The following SPEF2 variants were observed in gnomAD, a reference collection of about 807,000 sequenced individuals.
SPEF2 encodes the protein sperm flagellar and cilia associated 2.
In SPEF2, 187 loss-of-function variants were observed where a neutral mutation model predicts 224.6. That is an observed-to-expected ratio of 0.83 (90% CI 0.74 to 0.94). SPEF2 has a LOEUF of 0.94. Among genes scored for constraint, SPEF2 ranks in the 40% least tolerant of loss-of-function variants. The probability of loss-of-function intolerance (pLI) is 0.00; values close to 1 mark genes in which losing one functional copy is unlikely to be tolerated. For synonymous variants in SPEF2, 715 were observed against 707.3 expected (o/e 1.01, Z -0.17); for missense variants, 2,170 against 2,135.6 (o/e 1.02, Z -0.32).
chr5:35,619,450 A>C (rs1743169837), intron 1 of SPEF2, among the ~76,000 whole-genome samples: 1 of 152,128 alleles, frequency 6.6e-6, no homozygotes, highest in Admixed American at 6.6e-5. Flanking sequence ...TGGGAGGCCG[A>C]GGTGGGCAGA....
In SPEF2 at chr5:35,779,188, T is replaced by C. The variant is rs1262504109; in HGVS notation, c.4289T>C (p.Leu1430Ser). Residue 1430 changes from leucine (L) to serine (S), a missense_variant, in exon 30 of 37, where the codon TTA becomes TCA. By Grantham distance (145) the Leu-to-Ser change is moderately radical. Transcript: ENST00000356031. Reference sequence around the variant, plus strand: ...ACAAAAATTCAGAATGAACTTTATTTAAGCCAAGAAGACTTCTTCATTAAT... The same window carrying C: ...ACAAAAATTCAGAATGAACTTTATTCAAGCCAAGAAGACTTCTTCATTAAT... ...TSTKIQNELY[L>S]SQEDFFINGN... 5 of 1,613,822 alleles carry C rather than the reference T, an allele frequency of 3.1e-6. No individual in the cohort carries two copies. Among genetic ancestry groups the C allele is most frequent in the Admixed American group, 3.3e-5 (2 of 59,984 alleles).
intron 15 of SPEF2, chr5:35,699,624 C>G (rs1453492430): frequency 6.6e-6 from 1 of 152,172 alleles, no homozygotes; most frequent in Non-Finnish European, 1.5e-5. Flanking sequence ...GTTGGCAGTA[C>G]AAGTATCCAG....
At chr5:35,800,790 C>A (rs540447490) in intron 34 of SPEF2, among the ~76,000 whole-genome samples, 1 of 152,250 alleles carries the variant, frequency 6.6e-6, no homozygotes, top group African/African-American at 2.4e-5. Context: ...GGGGCTGGAG[C>A]AGTGGATCCA....
intron 2 of SPEF2, among the ~76,000 whole-genome samples, chr5:35,630,366 T>A (rs1744910939): frequency 1.3e-5 from 2 of 152,204 alleles, no homozygotes; most frequent in African/African-American, 2.4e-5. Context: ...GCAGAGGTTC[T>A]CCATGAGGGC....
At chr5:35,640,568 G>A (rs1208203881) in intron 2 of SPEF2, among the ~76,000 whole-genome samples, 1 of 152,192 alleles carries the variant, frequency 6.6e-6, no homozygotes, top group Non-Finnish European at 1.5e-5. Context: ...AACTGGACCT[G>A]AGAAGACCTT....
At position 35,793,161 on chromosome 5, in the gene SPEF2, A is replaced by G. The variant is rs776934774; in HGVS notation, c.4557A>G (p.Leu1519=). ...AGATATTTCCTGTTTTCTTCTAGTT[A>G]CAGGAATTAACATCTTTATTAACAG... ...SNWMHLTQPE[L]QELTSLLTVN... Residue 1519 remains leucine, a splice_region_variant and synonymous_variant, in exon 32 of 37, where the codon TTA becomes TTG. Coordinates refer to ENST00000356031, the MANE Select transcript of SPEF2 (RefSeq NM_024867.4). The G allele has an allele frequency of 6.2e-7, 1 of 1,613,458 alleles. No homozygotes were observed. The highest frequency in any genetic ancestry group is 8.5e-7 in the Non-Finnish European group (1 of 1,179,714).
chr5:35,710,022 C>T, intron 19 of SPEF2: 1 of 976,642 alleles, frequency 1.0e-6, no homozygotes, highest in Non-Finnish European at 1.2e-6. Context: ...TCATATTAAA[C>T]AAAGACATAT....
intron 15 of SPEF2, chr5:35,699,047 A>G (rs779593313): frequency 6.6e-6 from 1 of 152,212 alleles, no homozygotes; most frequent in Non-Finnish European, 1.5e-5. Context: ...TGAGAGAAAT[A>G]TAGACAGTGA....
chr5:35,773,977 G>C lies in SPEF2; in HGVS notation c.4034G>C (p.Arg1345Thr). ...IAEIKRKNEL[R>T]VKIKEEHLAA... is the part of the protein sequence containing the mutation. ...GAAATCAAAAGGAAAAATGAACTGA[G>C]GGTCAAAATAAAAGAAGAACACCTT... The change falls in exon 28 of 37, where the codon AGG becomes ACG. Residue 1345 changes from arginine (R) to threonine (T), a missense_variant. Physicochemically the swap from Arg to Thr is moderately conservative, Grantham distance 71. Coordinates refer to ENST00000356031, the MANE Select transcript of SPEF2 (RefSeq NM_024867.4). 1 of 1,613,150 alleles carries C rather than the reference G, an allele frequency of 6.2e-7. No individual in the cohort carries two copies. The highest frequency in any genetic ancestry group is 8.5e-7 in the Non-Finnish European group (1 of 1,179,530).
intron 30 of SPEF2, 67 bp from the exon 31 acceptor site, chr5:35,792,273 T>C (rs1756075430): frequency 1.6e-6 from 2 of 1,278,478 alleles, no homozygotes; most frequent in Non-Finnish European, 2.2e-6. Context: ...ATTGCTTCTA[T>C]TTTAGCAAAA....
At chr5:35,693,865 T>C (rs1754889801) in intron 12 of SPEF2, among the ~76,000 whole-genome samples, 1 of 152,216 alleles carries the variant, frequency 6.6e-6, no homozygotes, top group Admixed American at 6.5e-5. Context: ...TGTTGTAATA[T>C]CTTTATATTT....
At chr5:35,688,890 T>C (rs1307632865) in intron 10 of SPEF2, among the ~76,000 whole-genome samples, 1 of 152,198 alleles carries the variant, frequency 6.6e-6, no homozygotes, top group Non-Finnish European at 1.5e-5. Flanking sequence ...GTTAATATTA[T>C]GTTGATTTTA....
chr5:35,703,504 A>C (rs923288496), intron 16 of SPEF2, among the ~76,000 whole-genome samples: 1 of 152,126 alleles, frequency 6.6e-6, no homozygotes, highest in Non-Finnish European at 1.5e-5. Context: ...TTAGGATTGC[A>C]AAGATGGAGC....
chr5:35,741,744 G>T (rs937397585), intron 23 of SPEF2, among the ~76,000 whole-genome samples: 2 of 152,060 alleles, frequency 1.3e-5, no homozygotes, highest in Non-Finnish European at 2.9e-5. Flanking sequence ...CAAATGTCCT[G>T]GTAAAATTGA....
At chr5:35,701,935 C>T (rs1453830316) in intron 16 of SPEF2, among the ~76,000 whole-genome samples, 1 of 152,098 alleles carries the variant, frequency 6.6e-6, no homozygotes, top group Non-Finnish European at 1.5e-5. Flanking sequence ...GTCATGATCA[C>T]ACCACAGCAC....
At chr5:35,764,457 T>C (rs765955470) in intron 26 of SPEF2, 134 of 408,604 alleles carry the variant, frequency 3.3e-4, no homozygotes, top group Non-Finnish European at 3.7e-4. Flanking sequence ...CACATAACTT[T>C]AATCCAAGCA....
At position 35,654,695 on chromosome 5, in the gene SPEF2, T is replaced by C; in HGVS notation, c.947T>C (p.Met316Thr). ...QREKRRRKLL[M>T]DQLIAHEAQE... ...GAGAAAAGACGGCGGAAATTGTTAA[T>C]GGACCAGTTAATAGCCCACGAAGCA... Residue 316 changes from methionine (M) to threonine (T), a missense_variant, in exon 7 of 37, where the codon ATG becomes ACG. Coordinates refer to ENST00000356031, the MANE Select transcript of SPEF2 (RefSeq NM_024867.4). 6.2e-7 allele frequency: 1 copy of C among 1,611,590 alleles called. No individual in the cohort carries two copies. Among genetic ancestry groups the C allele is most frequent in the East Asian group, 2.2e-5 (1 of 44,852 alleles).
At chr5:35,700,872 A>G in intron 16 of SPEF2, 120 bp downstream of exon 16, 1 of 1,146,744 alleles carries the variant, frequency 8.7e-7, no homozygotes, top group Non-Finnish European at 1.2e-6. Flanking sequence ...CAGCCTATCA[A>G]ATAATTATCT....
At position 35,641,612 on chromosome 5, in the gene SPEF2, G is replaced by A; in HGVS notation, c.343G>A (p.Val115Met). 2 of 1,613,698 alleles carry A rather than the reference G, an allele frequency of 1.2e-6. No homozygotes were observed. The highest frequency in any genetic ancestry group is 1.1e-5 in the South Asian group (1 of 91,066). The change falls in exon 3 of 37, where the codon GTG becomes ATG. Residue 115 changes from valine (V) to methionine (M), a missense_variant. Physicochemically the swap from Val to Met is conservative, Grantham distance 21 (BLOSUM62 1). Coordinates refer to ENST00000356031, the MANE Select transcript of SPEF2 (RefSeq NM_024867.4). ...AAAGAAGAAAAGTGGACTGACTGGA[G>A]TGGAGATGCAAACCATGCAACGTCT... ...QKKKKSGLTGVEMQTMQRLTN... is the reference protein window; with the variant it reads ...QKKKKSGLTGMEMQTMQRLTN...
Sources: allele counts gnomAD v4.1 joint callset (sites outside exome capture counted in the v4.1 genomes callset), GRCh38; gene constraint gnomAD v4.1.1; transcripts MANE v1.5; gene names NCBI Gene and HGNC (gene_info 2026-07-23, HGNC 2026-07-21).